The following CNOT6L variants were observed in gnomAD, a reference collection of about 807,000 sequenced individuals.
CNOT6L encodes the protein CCR4-NOT transcription complex subunit 6 like.
Under a neutral mutation model 64.0 loss-of-function variants are expected in CNOT6L, and 7 were observed. That is an observed-to-expected ratio of 0.11 (90% confidence interval 0.06 to 0.21). The LOEUF is 0.21. Ranked by LOEUF, CNOT6L falls within the 10% of genes least tolerant of loss-of-function variation. CNOT6L has a pLI of 1.00. For missense variants in CNOT6L, 245 were observed against 669.0 expected (o/e 0.37, Z 6.99); for synonymous variants, 193 against 243.4 (o/e 0.79, Z 1.93).
At chr4:77,788,679 G>C (rs750498616) in intron 1 of CNOT6L, among the ~76,000 whole-genome samples, 4 of 152,136 alleles carry the variant, frequency 2.6e-5, no homozygotes, top group Non-Finnish European at 4.4e-5. Context: ...AGTGAGCCAA[G>C]ATTATGCCAC....
At position 77,756,950 on chromosome 4, in the gene CNOT6L, G is replaced by A. The variant is rs35447515; in HGVS notation, c.402C>T (p.Gly134=). 195 of 1,579,584 alleles carry A rather than the reference G, an allele frequency of 1.2e-4. No homozygotes were observed. Among genetic ancestry groups the A allele is most frequent in the Non-Finnish European group, 1.6e-4 (188 of 1,157,196 alleles). The change falls in exon 5 of 12, where the codon GGC becomes GGT. Residue 134 remains glycine, a splice_region_variant and synonymous_variant. Transcript: ENST00000504123. The stretch of plus-strand genomic sequence containing the variant: ...TGAGAATATCCTGTGATAAAGGATT[G>A]CCTAAAGCAGAAGACAAAAATAAAA... ...LFQLQTLGLK[G]NPLSQDILNL... is the part of the protein sequence containing the mutation.
chr4:77,741,976 C>T (rs1022444379), intron 8 of CNOT6L, among the ~76,000 whole-genome samples, 165 bp downstream of exon 8: 2 of 152,008 alleles, frequency 1.3e-5, no homozygotes, highest in South Asian at 2.1e-4. Context: ...ATCCTTATTT[C>T]GAATACACAG....
rs902918451 is a variant in CNOT6L, at chr4:77,774,189, T to C, written c.314+341A>G. On this transcript the variant is annotated intron_variant, in intron 3 of 11. Transcript: ENST00000504123. ...TATAAATATTCTTTGACTCATATAATAGAGATATGTTCTTGTAAGTTTTAT... is the reference window on the plus strand; with the variant it reads ...TATAAATATTCTTTGACTCATATAACAGAGATATGTTCTTGTAAGTTTTAT... 6.6e-5 allele frequency among the ~76,000 whole-genome samples: 10 copies of C among 152,226 alleles called. 1 individual carries two copies. Among genetic ancestry groups the C allele is most frequent in the Admixed American group, 5.9e-4 (9 of 15,284 alleles).
intron 3 of CNOT6L, among the ~76,000 whole-genome samples, chr4:77,774,327 T>TACAA (rs1026535764): frequency 3.3e-5 from 5 of 152,122 alleles, no homozygotes; most frequent in African/African-American, 1.2e-4. Context: ...AAACTGGTAA[T>TACAA]ACAAGCACAC....
At chr4:77,767,347 C>G (rs1281848777) in intron 4 of CNOT6L, among the ~76,000 whole-genome samples, 2 of 152,006 alleles carry the variant, frequency 1.3e-5, no homozygotes, top group Non-Finnish European at 2.9e-5. Context: ...CAAGCTGTTT[C>G]TTATGTATGA....
At chr4:77,812,919 A>AAC (rs1053126198) in intron 1 of CNOT6L, among the ~76,000 whole-genome samples, 3 of 152,200 alleles carry the variant, frequency 2.0e-5, no homozygotes, top group African/African-American at 7.2e-5. Flanking sequence ...CAAAAGGAAA[A>AAC]ACTTTGAGAG....
At chr4:77,819,956 G>A (rs1331667659), upstream of CNOT6L, among the ~76,000 whole-genome samples, 1 of 152,016 alleles carries the variant, frequency 6.6e-6, no homozygotes, top group East Asian at 2.0e-4. Context: ...GGCCCCAGCC[G>A]AAGGAAGCTG....
In CNOT6L at chr4:77,735,987, C is replaced by G. The variant is rs189362600; in HGVS notation, c.873-4449G>C. On this transcript the variant is annotated intron_variant, in intron 8 of 11. Coordinates refer to ENST00000504123, the MANE Select transcript of CNOT6L (RefSeq NM_144571.3). ...CCACTGGGTTATCAGATGCTTGCAA[C>G]TATCCTTCCAACTTTATTTCTCATT... Among the ~76,000 whole-genome samples the G allele has an allele frequency of 1.2e-4, 19 of 152,326 alleles. No individual in the cohort carries two copies. In the East Asian group the frequency reaches 1.7e-3, roughly 14 times the overall value.
At chr4:77,738,753 CAAA>C (rs33932934) in intron 8 of CNOT6L, among the ~76,000 whole-genome samples, 4 of 114,208 alleles carry the variant, frequency 3.5e-5, no homozygotes, top group African/African-American at 1.4e-4. Context: ...AACTCCGTCT[CAAA>C]AAAAAAAAAA....
chr4:77,798,672 A>T (rs747872741), intron 1 of CNOT6L, among the ~76,000 whole-genome samples: 1 of 152,134 alleles, frequency 6.6e-6, no homozygotes, highest in Non-Finnish European at 1.5e-5. Flanking sequence ...ACTTTGGGAG[A>T]AAGTTTGAAG....
At chr4:77,803,091 G>A (rs531879663) in intron 1 of CNOT6L, among the ~76,000 whole-genome samples, 8 of 151,956 alleles carry the variant, frequency 5.3e-5, no homozygotes, top group Admixed American at 3.3e-4. Flanking sequence ...TGAGCAATAA[G>A]GTAATGTTTC....
At chr4:77,804,905 G>A (rs1345498172) in intron 1 of CNOT6L, among the ~76,000 whole-genome samples, 2 of 152,144 alleles carry the variant, frequency 1.3e-5, no homozygotes, top group African/African-American at 2.4e-5. Context: ...TTGTGGTTAT[G>A]TAAGTATATA....
At chr4:77,755,018 T>C (rs1017367833) in intron 5 of CNOT6L, among the ~76,000 whole-genome samples, 1 of 148,658 alleles carries the variant, frequency 6.7e-6, no homozygotes. Flanking sequence ...GATCAACAAA[T>C]TGGACTGGAG....
chr4:77,810,992 G>A (rs1019983392), intron 1 of CNOT6L, among the ~76,000 whole-genome samples: 3 of 152,080 alleles, frequency 2.0e-5, no homozygotes, highest in Admixed American at 1.3e-4. Context: ...TTTTGAAGAC[G>A]GATTTCATTC....
intron 11 of CNOT6L, among the ~76,000 whole-genome samples, chr4:77,723,509 T>C (rs968233539): frequency 6.6e-6 from 1 of 152,198 alleles, no homozygotes; most frequent in South Asian, 2.1e-4. Flanking sequence ...GCATTAACTA[T>C]GTAAAATATA....
At chr4:77,761,586 A>C (rs1342617299) in intron 4 of CNOT6L, among the ~76,000 whole-genome samples, 1 of 152,228 alleles carries the variant, frequency 6.6e-6, no homozygotes. Context: ...ACTTGCATTA[A>C]TGACAAAAAC....
chr4:77,809,860 G>T (rs79749510), intron 1 of CNOT6L, among the ~76,000 whole-genome samples: 1 of 151,992 alleles, frequency 6.6e-6, no homozygotes, highest in African/African-American at 2.4e-5. Flanking sequence ...TGAATATAAG[G>T]AACATAAAGT....
At chr4:77,736,732 TCATACTCTGTGACTGGTATA>T (rs1285652052) in intron 8 of CNOT6L, among the ~76,000 whole-genome samples, 1 of 152,208 alleles carries the variant, frequency 6.6e-6, no homozygotes, top group Non-Finnish European at 1.5e-5. Context: ...AGTTTACCAT[TCATACTCTGTGACTGGTATA>T]CAGATGCTAA....
intron 1 of CNOT6L, among the ~76,000 whole-genome samples, chr4:77,803,966 T>C (rs11729215): frequency 0.26 from 38,958 of 151,686 alleles, 5,927 homozygotes; most frequent in East Asian, 0.48. Context: ...GTGGAAAAGT[T>C]TGTCAATTCC....
Sources: allele counts gnomAD v4.1 joint callset (sites outside exome capture counted in the v4.1 genomes callset), GRCh38; gene constraint gnomAD v4.1.1; transcripts MANE v1.5; gene names NCBI Gene and HGNC (gene_info 2026-07-23, HGNC 2026-07-21).